The following TENM4 variants were observed in gnomAD, a reference collection of about 807,000 sequenced individuals.
The protein encoded by TENM4 is teneurin-4.
Under a neutral mutation model 243.3 loss-of-function variants are expected in TENM4, and 82 were observed. The ratio of observed to expected loss-of-function variants is 0.34; its 90% CI spans 0.28 to 0.40. The LOEUF (loss-of-function observed/expected upper bound fraction) is 0.40, where lower values mean the gene tolerates loss of function less well. Among genes scored for constraint, TENM4 ranks in the 10% least tolerant of loss-of-function variants. The pLI is 1.00. For missense variants in TENM4, 3,138 were observed against 3,673.3 expected (o/e 0.85, Z 3.77); for synonymous variants, 1,412 against 1,456.3 (o/e 0.97, Z 0.69).
rs182747552 is a variant in TENM4, at chr11:78,960,956, T to C, written c.494-57433A>G. Among the ~76,000 whole-genome samples, 904 of 152,232 alleles carry C rather than the reference T, an allele frequency of 5.9e-3. 3 individuals carry two copies. Among genetic ancestry groups the C allele is most frequent in the Admixed American group, 0.011 (172 of 15,298 alleles). ...TCTGTGTTCCAGGCACTGTGATGGG[T>C]GCTCATCATGAGGTGGGCACTACAA... On this transcript the variant is annotated intron_variant, in intron 6 of 33. Coordinates refer to ENST00000278550, the MANE Select transcript of TENM4 (RefSeq NM_001098816.3).
intron 3 of TENM4, among the ~76,000 whole-genome samples, chr11:79,206,961 T>C (rs1863860876): frequency 6.6e-6 from 1 of 152,032 alleles, no homozygotes; most frequent in Non-Finnish European, 1.5e-5. Context: ...ATATAAACAT[T>C]TACTGGGGGC....
intron 4 of TENM4, among the ~76,000 whole-genome samples, chr11:79,074,774 C>G (rs1487575842): frequency 1.3e-5 from 2 of 152,194 alleles, no homozygotes; most frequent in Non-Finnish European, 2.9e-5. Flanking sequence ...TCCCTGCCCC[C>G]ACTAGCTCTC....
intron 6 of TENM4, among the ~76,000 whole-genome samples, chr11:78,999,372 C>T (rs1402727764): frequency 1.3e-5 from 2 of 151,898 alleles, no homozygotes. Context: ...AGAAATTAGC[C>T]AGGCGTGGTG....
intron 2 of TENM4, among the ~76,000 whole-genome samples, chr11:79,226,762 C>T (rs1306357983): frequency 6.6e-6 from 1 of 152,122 alleles, no homozygotes; most frequent in Non-Finnish European, 1.5e-5. Context: ...CTTGATTTTT[C>T]CTCATTTATT....
At chr11:79,393,737 C>A (rs1339167586) in intron 1 of TENM4, among the ~76,000 whole-genome samples, 1 of 152,206 alleles carries the variant, frequency 6.6e-6, no homozygotes, top group Non-Finnish European at 1.5e-5. Flanking sequence ...GTGTGTTTCA[C>A]AATTTGTGTC....
Position 79,088,346 on chromosome 11 carries a change from C to T in TENM4, c.-65-18337G>A, listed in dbSNP as rs529832107. On this transcript the variant is annotated intron_variant, in intron 4 of 33. Coordinates refer to ENST00000278550, the MANE Select transcript of TENM4 (RefSeq NM_001098816.3). ...CTCATGTCACTGAGACCCTGTATTG[C>T]GGGGAGACAGGGAGGGTGAAGGTCA... Among the ~76,000 whole-genome samples the T allele has an allele frequency of 5.9e-5, 9 of 152,160 alleles. No homozygotes were observed. In the South Asian group the frequency reaches 8.3e-4, roughly 14 times the overall value.
chr11:79,208,624 A>G (rs1265745188), intron 3 of TENM4, among the ~76,000 whole-genome samples: 1 of 152,204 alleles, frequency 6.6e-6, no homozygotes. Flanking sequence ...TGTGACTTAA[A>G]GTCATTGACC....
chr11:78,782,127 TC>T (rs758333999), intron 16 of TENM4, among the ~76,000 whole-genome samples: 7 of 152,212 alleles, frequency 4.6e-5, no homozygotes, highest in Non-Finnish European at 1.0e-4. Context: ...TTAAGGATTT[TC>T]TGATTATGAA....
chr11:78,819,650 G>A (rs1193690971), intron 12 of TENM4, among the ~76,000 whole-genome samples: 2 of 152,138 alleles, frequency 1.3e-5, no homozygotes, highest in Admixed American at 6.5e-5. Flanking sequence ...CCAGCTTTGT[G>A]AATGAGGTCA....
chr11:78,803,391 T>C (rs1288300494), intron 15 of TENM4, among the ~76,000 whole-genome samples: 1 of 152,192 alleles, frequency 6.6e-6, no homozygotes, highest in Non-Finnish European at 1.5e-5. Flanking sequence ...TTATCTCCAT[T>C]TTATAGCTTC....
intron 6 of TENM4, among the ~76,000 whole-genome samples, chr11:79,030,174 C>A (rs1859189959): frequency 6.6e-6 from 1 of 152,168 alleles, no homozygotes; most frequent in Non-Finnish European, 1.5e-5. Flanking sequence ...GTTGACTGAG[C>A]TTTTCATGTA....
At chr11:79,009,819 G>A (rs892349715) in intron 6 of TENM4, among the ~76,000 whole-genome samples, 5 of 152,130 alleles carry the variant, frequency 3.3e-5, no homozygotes, top group Admixed American at 2.0e-4. Flanking sequence ...TTATATTCCA[G>A]TGATATGGTT....
At chr11:79,390,978 C>A (rs944667644) in intron 1 of TENM4, among the ~76,000 whole-genome samples, 1 of 152,194 alleles carries the variant, frequency 6.6e-6, no homozygotes, top group Non-Finnish European at 1.5e-5. Flanking sequence ...CAGTCTAACT[C>A]TTGTTTGCTT....
intron 2 of TENM4, among the ~76,000 whole-genome samples, chr11:79,218,241 C>CCCA (rs1290946497): frequency 6.9e-6 from 1 of 143,944 alleles, no homozygotes; most frequent in East Asian, 2.2e-4. Context: ...CCCACCCACC[C>CCCA]CCGACACACA....
intron 6 of TENM4, among the ~76,000 whole-genome samples, chr11:79,038,845 G>C (rs557969112): frequency 6.6e-6 from 1 of 152,348 alleles, no homozygotes; most frequent in East Asian, 1.9e-4. Context: ...AGAAGAGAAA[G>C]AGCCAGGGAA....
chr11:79,369,174 C>A (rs1212385637), intron 1 of TENM4, among the ~76,000 whole-genome samples: 1 of 152,144 alleles, frequency 6.6e-6, no homozygotes, highest in Non-Finnish European at 1.5e-5. Flanking sequence ...CTGCAGCTGG[C>A]AGGGCCAGGA....
rs60886884 is a variant in TENM4 at position 79,321,640 on chromosome 11, CAA to C, written c.-320-24099_-320-24098del. 6.0e-3 allele frequency among the ~76,000 whole-genome samples: 496 copies of C among 82,218 alleles called. 3 individuals carry two copies. Among genetic ancestry groups the C allele is most frequent in the Middle Eastern group, 0.013 (2 of 152 alleles). The allele number at this position is 82,218 out of a possible 152,430, so 53.9% of individuals were successfully genotyped here. ...ACTTTCTGCACAAGCAGGAAATTAC[CAA>C]AAAAAAAAAAAAAAAAAAAAAAGGG... On this transcript the variant is annotated intron_variant, in intron 1 of 33. Coordinates refer to ENST00000278550, the MANE Select transcript of TENM4 (RefSeq NM_001098816.3).
chr11:78,889,343 C>T (rs186338964), intron 9 of TENM4, among the ~76,000 whole-genome samples: 1 of 152,336 alleles, frequency 6.6e-6, no homozygotes, highest in East Asian at 1.9e-4. Flanking sequence ...CCTCCAAGCC[C>T]AGGGTGCTCC....
intron 22 of TENM4, among the ~76,000 whole-genome samples, chr11:78,728,691 G>A (rs1855579912): frequency 6.6e-6 from 1 of 152,194 alleles, no homozygotes; most frequent in African/African-American, 2.4e-5. Context: ...GACGAGAAGG[G>A]ATTTGCTGGA....
Sources: gnomAD v4.1 joint callset for allele counts (sites outside exome capture counted in the v4.1 genomes callset) on GRCh38, gnomAD v4.1.1 for gene constraint, MANE v1.5 for transcripts, NCBI Gene and HGNC (gene_info 2026-07-23, HGNC 2026-07-21) for gene names.